Variants in PLEKHA7 observed in about 807,000 individuals in gnomAD.
PLEKHA7 encodes the protein pleckstrin homology domain containing A7.
In PLEKHA7, 104 loss-of-function variants were observed where a neutral mutation model predicts 170.0. The observed-to-expected ratio is 0.61, with a 90% CI of 0.52 to 0.72. PLEKHA7 has a LOEUF of 0.72. Among genes scored for constraint, PLEKHA7 ranks in the 30% least tolerant of loss-of-function variants. The pLI is 0.00. For synonymous variants in PLEKHA7, 648 were observed against 660.8 expected (o/e 0.98, Z 0.30); for missense variants, 1,615 against 1,671.7 (o/e 0.97, Z 0.59).
chr11:16,793,772 T>C (rs1848019889), intron 19 of PLEKHA7, among the ~76,000 whole-genome samples: 1 of 152,150 alleles, frequency 6.6e-6, no homozygotes, highest in Non-Finnish European at 1.5e-5. Context: ...TTGGCCCCTT[T>C]CTATGCCAGG....
At chr11:16,853,217 A>G (rs147697252) in intron 6 of PLEKHA7, among the ~76,000 whole-genome samples, 52 of 152,300 alleles carry the variant, frequency 3.4e-4, no homozygotes, top group African/African-American at 1.3e-3. Flanking sequence ...AAAAATAGAG[A>G]TGGCTGTTAA....
intron 3 of PLEKHA7, among the ~76,000 whole-genome samples, chr11:16,963,844 T>C (rs4757456): frequency 0.83 from 126,099 of 152,172 alleles, 52,522 homozygotes; most frequent in South Asian, 0.9. Context: ...CACCTCTCAT[T>C]GCTTTTATGT....
intron 3 of PLEKHA7, among the ~76,000 whole-genome samples, chr11:16,882,586 T>C (rs186875059): frequency 7.9e-5 from 12 of 152,322 alleles, no homozygotes; most frequent in African/African-American, 2.9e-4. Flanking sequence ...CAGAACTGTT[T>C]TGGTCACAGA....
intron 26 of PLEKHA7, among the ~76,000 whole-genome samples, chr11:16,782,479 A>G (rs1348432678): frequency 1.3e-5 from 2 of 152,198 alleles, no homozygotes; most frequent in Non-Finnish European, 2.9e-5. Flanking sequence ...GTGGGGTAGC[A>G]GCACCACTCC....
chr11:16,975,167 T>G (rs1862982654), intron 3 of PLEKHA7, among the ~76,000 whole-genome samples: 1 of 152,214 alleles, frequency 6.6e-6, no homozygotes, highest in East Asian at 1.9e-4. Flanking sequence ...CAAAGAAATG[T>G]ACCCTCTTCT....
intron 3 of PLEKHA7, among the ~76,000 whole-genome samples, chr11:17,009,715 A>G (rs1865211319): frequency 6.6e-6 from 1 of 152,066 alleles, no homozygotes; most frequent in Non-Finnish European, 1.5e-5. Flanking sequence ...AGCTCATGGT[A>G]AACTCAGACT....
intron 3 of PLEKHA7, among the ~76,000 whole-genome samples, chr11:16,992,925 C>T (rs1864132081): frequency 6.6e-6 from 1 of 152,132 alleles, no homozygotes; most frequent in Admixed American, 6.6e-5. Flanking sequence ...AAGTTTTGGT[C>T]ACAGAAAAGT....
chr11:16,800,835 A>C, intron 17 of PLEKHA7, 139 bp downstream of exon 17: 1 of 703,598 alleles, frequency 1.4e-6, no homozygotes, highest in South Asian at 1.8e-5. Flanking sequence ...GCTCCTTTAC[A>C]GGGGTGGAGC....
At chr11:16,953,384 C>T (rs1053107483) in intron 3 of PLEKHA7, among the ~76,000 whole-genome samples, 1 of 152,208 alleles carries the variant, frequency 6.6e-6, no homozygotes, top group Admixed American at 6.5e-5. Context: ...GTGAATCCTA[C>T]AGTGACTATA....
intron 4 of PLEKHA7, among the ~76,000 whole-genome samples, chr11:16,857,315 C>G (rs1406609942): frequency 1.3e-5 from 2 of 152,228 alleles, no homozygotes; most frequent in East Asian, 3.8e-4. Context: ...GCAGGAGATG[C>G]AAGTCCTACC....
At position 16,851,232 on chromosome 11, in the gene PLEKHA7, C is replaced by G. The variant is rs1401120357; in HGVS notation, c.655G>C (p.Val219Leu). The G allele has an allele frequency of 1.2e-6, 2 of 1,611,914 alleles. No individual in the cohort carries two copies. Among genetic ancestry groups the G allele is most frequent in the Non-Finnish European group, 1.7e-6 (2 of 1,178,998 alleles). The change falls in exon 8 of 27, where the codon GTG becomes CTG. Residue 219 changes from valine (V) to leucine (L), a missense_variant. Val to Leu is a conservative substitution (Grantham distance 32). Coordinates refer to ENST00000531066, the MANE Select transcript of PLEKHA7 (RefSeq NM_001329630.2). ...CGGCTTATGCGATCCTCAGGGGCCACAGGAGAGATCACGTAGCTGGGCAAG... is the reference window on the plus strand; with the variant it reads ...CGGCTTATGCGATCCTCAGGGGCCAGAGGAGAGATCACGTAGCTGGGCAAG... ...IPLPSYVISPVAPEDRISRKY... is the reference protein window; with the variant it reads ...IPLPSYVISPLAPEDRISRKY...
chr11:16,965,126 T>C (rs1456589555), intron 3 of PLEKHA7, among the ~76,000 whole-genome samples: 2 of 151,444 alleles, frequency 1.3e-5, no homozygotes, highest in South Asian at 4.2e-4. Flanking sequence ...CTGGCCAACA[T>C]GGCGAAACCC....
intron 3 of PLEKHA7, among the ~76,000 whole-genome samples, chr11:16,875,840 G>A (rs1242086509): frequency 6.6e-6 from 1 of 152,148 alleles, no homozygotes; most frequent in Non-Finnish European, 1.5e-5. Context: ...AGGTCCCTGG[G>A]CGATTCCATT....
intron 6 of PLEKHA7, among the ~76,000 whole-genome samples, chr11:16,853,423 T>C (rs1313755424): frequency 6.6e-6 from 1 of 152,246 alleles, no homozygotes; most frequent in South Asian, 2.1e-4. Context: ...TGGCACATGA[T>C]ATTTGCTTTG....
intron 3 of PLEKHA7, among the ~76,000 whole-genome samples, chr11:16,943,447 G>A (rs1860821861): frequency 6.6e-6 from 1 of 152,020 alleles, no homozygotes; most frequent in South Asian, 2.1e-4. Flanking sequence ...TCCCTCCCCC[G>A]ATACAGGAAA....
At chr11:16,958,685 T>C (rs1861857829) in intron 3 of PLEKHA7, among the ~76,000 whole-genome samples, 1 of 152,214 alleles carries the variant, frequency 6.6e-6, no homozygotes, top group Admixed American at 6.5e-5. Context: ...ACATGGAGAA[T>C]GTAAGACCTC....
chr11:16,963,564 C>T (rs942537399), intron 3 of PLEKHA7, among the ~76,000 whole-genome samples: 2 of 152,116 alleles, frequency 1.3e-5, no homozygotes, highest in East Asian at 1.9e-4. Context: ...CTGGAGCTGT[C>T]GTCAGCTGAC....
intron 19 of PLEKHA7, among the ~76,000 whole-genome samples, chr11:16,793,222 C>G (rs947131139): frequency 6.6e-6 from 1 of 152,248 alleles, no homozygotes; most frequent in South Asian, 2.1e-4. Context: ...GCCTTTTTCC[C>G]CTACGCCCTG....
chr11:16,881,631 C>A (rs435206), intron 3 of PLEKHA7: 16,587 of 152,148 alleles, frequency 0.11, 1,103 homozygotes, highest in East Asian at 0.16. Flanking sequence ...TCTTTGAGAC[C>A]GTGGGGTTGG....
Sources: allele counts gnomAD v4.1 joint callset (sites outside exome capture counted in the v4.1 genomes callset), GRCh38; gene constraint gnomAD v4.1.1; transcripts MANE v1.5; gene names NCBI Gene and HGNC (gene_info 2026-07-23, HGNC 2026-07-21).